BEND7: variants seen among roughly 807,000 people sequenced by gnomAD.
The protein encoded by BEND7 is BEN domain-containing protein 7.
A neutral mutation model predicts 50.9 loss-of-function variants in BEND7; 28 were observed. That is an observed-to-expected ratio of 0.55 (90% CI 0.41 to 0.75). BEND7 has a LOEUF of 0.75. Ranked by LOEUF, BEND7 falls within the 30% of genes least tolerant of loss-of-function variation. The pLI, the probability that BEND7 is intolerant of heterozygous loss-of-function variation, is 0.00. For missense variants in BEND7, 477 were observed against 491.3 expected, an observed-to-expected ratio of 0.97 and a Z score of 0.28; for synonymous variants, 170 against 183.9, an observed-to-expected ratio of 0.92 and a Z score of 0.61.
chr10:13,479,864 C>T (rs1024921090), intron 6 of BEND7, among the ~76,000 whole-genome samples: 1 of 152,072 alleles, frequency 6.6e-6, no homozygotes, highest in East Asian at 1.9e-4. Flanking sequence ...ATTTAAATAC[C>T]GTATTATTTT....
chr10:13,447,903 T>C (rs1333478214), intron 7 of BEND7, among the ~76,000 whole-genome samples: 1 of 152,184 alleles, frequency 6.6e-6, no homozygotes, highest in Non-Finnish European at 1.5e-5. Context: ...ATTGTTTAAA[T>C]AGGGTCATCG....
Position 13,522,228 on chromosome 10 carries a change from GAA to G in BEND7, c.145+3908_145+3909del, listed in dbSNP as rs1337471160. The stretch of plus-strand genomic sequence containing the variant: ...AAATCTAACCCAAAATCCAATGTGT[GAA>G]AAGAGACTTCATTTTATATTTGCAT... On this transcript the variant is annotated intron_variant, in intron 2 of 8. Transcript: ENST00000466271. 1.4e-4 allele frequency among the ~76,000 whole-genome samples: 21 copies of G among 152,348 alleles called. No homozygotes were observed. The South Asian group carries it at 3.9e-3, about 29-fold the overall frequency.
At position 13,492,652 on chromosome 10, in the gene BEND7, C is replaced by G. The variant is rs143653099; in HGVS notation, c.796G>C (p.Val266Leu). The change falls in exon 5 of 9, where the codon GTT (valine) becomes CTT (leucine). Residue 266 changes from valine (V) to leucine (L), a missense_variant. Physicochemically the swap from Val to Leu is conservative, Grantham distance 32. This residue lies in a region of BEND7 where 396 missense variants were observed against 384.2 expected (regional missense o/e 1.03). Coordinates refer to ENST00000466271, the MANE Select transcript of BEND7 (RefSeq NM_001369863.1). Reference sequence around the variant, plus strand: ...TCCAGAACAATGCCGAATCCTAGAACGCGGCTCTCCTCCGGGGAGGTGTGC... The same window carrying G: ...TCCAGAACAATGCCGAATCCTAGAAGGCGGCTCTCCTCCGGGGAGGTGTGC... The part of the protein sequence containing the change: ...AEHTSPEESR[V>L]LGFGIVLESP... 5 of 1,614,018 alleles carry G rather than the reference C, an allele frequency of 3.1e-6. No homozygotes were observed. The South Asian group carries it at 4.4e-5, about 14-fold the overall frequency.
intron 6 of BEND7, among the ~76,000 whole-genome samples, chr10:13,476,813 A>G (rs1042759275): frequency 6.6e-6 from 1 of 152,132 alleles, no homozygotes; most frequent in African/African-American, 2.4e-5. Context: ...AAAGCCTAAG[A>G]CTCTACTTGG....
At chr10:13,488,176 A>G (rs943144384) in intron 5 of BEND7, among the ~76,000 whole-genome samples, 12 of 152,036 alleles carry the variant, frequency 7.9e-5, no homozygotes, top group African/African-American at 2.9e-4. Context: ...AAACTTTTAA[A>G]CTGGCATAAT....
intron 2 of BEND7, among the ~76,000 whole-genome samples, chr10:13,512,247 C>T (rs985804431): frequency 1.8e-4 from 28 of 152,154 alleles, no homozygotes; most frequent in African/African-American, 6.0e-4. Context: ...CCAGCCTGGA[C>T]AACATAGCGA....
At chr10:13,504,760 A>G (rs1231042529) in intron 2 of BEND7, among the ~76,000 whole-genome samples, 6 of 152,374 alleles carry the variant, frequency 3.9e-5, no homozygotes, top group Middle Eastern at 3.4e-3. Context: ...AAATGGATCC[A>G]TGCCACGTGA....
At chr10:13,478,167 A>G (rs536027972) in intron 6 of BEND7, among the ~76,000 whole-genome samples, 12 of 152,306 alleles carry the variant, frequency 7.9e-5, no homozygotes, top group Non-Finnish European at 1.6e-4. Context: ...ACAGCCCGTG[A>G]CAAAATCTCT....
chr10:13,529,132 C>A (rs2079581107), upstream of BEND7, among the ~76,000 whole-genome samples: 2 of 144,456 alleles, frequency 1.4e-5, no homozygotes, highest in South Asian at 4.2e-4. Context: ...GCCGCCATCC[C>A]CGGGGGCCGC....
At chr10:13,517,576 G>A (rs1040678222) in intron 2 of BEND7, among the ~76,000 whole-genome samples, 4 of 152,102 alleles carry the variant, frequency 2.6e-5, no homozygotes, top group Non-Finnish European at 4.4e-5. Flanking sequence ...AACAGAGGGA[G>A]ACGCTGTCTC....
At chr10:13,466,140 T>A (rs184533598) in intron 6 of BEND7, among the ~76,000 whole-genome samples, 1 of 152,172 alleles carries the variant, frequency 6.6e-6, no homozygotes, top group East Asian at 1.9e-4. Flanking sequence ...ACACAGTTGG[T>A]ATATTTCAAT....
intron 2 of BEND7, among the ~76,000 whole-genome samples, chr10:13,516,165 C>G (rs1301308757): frequency 6.6e-6 from 1 of 152,230 alleles, no homozygotes; most frequent in African/African-American, 2.4e-5. Flanking sequence ...ATTGGACACT[C>G]AGAGTCTTGC....
At position 13,441,401 on chromosome 10, in the gene BEND7, G is replaced by A; in HGVS notation, c.*342C>T. 8.9e-7 allele frequency: 1 copy of A among 1,126,362 alleles called. No homozygotes were observed. The highest frequency in any genetic ancestry group is 1.1e-6 in the Non-Finnish European group (1 of 921,824). 69.8% of individuals were successfully genotyped at this position (1,126,362 alleles called of 1,614,324 possible). ...TTAATTTACAAAATATGATTTTGCT[G>A]TTGCAGTTTTGATACGTATTTCCAG... On this transcript the variant is annotated 3_prime_UTR_variant, in exon 9 of 9. Transcript: ENST00000466271.
At chr10:13,459,893 A>C (rs1839860840) in intron 6 of BEND7, 2 of 152,274 alleles carry the variant, frequency 1.3e-5, no homozygotes, top group Admixed American at 1.3e-4. Context: ...CAGGATGTTC[A>C]CAGGAAACTG....
downstream of BEND7, chr10:13,439,565 C>T: frequency 6.8e-7 from 1 of 1,461,092 alleles, no homozygotes; most frequent in Non-Finnish European, 9.2e-7. Context: ...TCCAAATCGT[C>T]ACACCCTGTG....
chr10:13,508,993 G>A (rs1461539971), intron 2 of BEND7, among the ~76,000 whole-genome samples: 2 of 152,194 alleles, frequency 1.3e-5, no homozygotes, highest in East Asian at 1.9e-4. Flanking sequence ...GGATCCTAGT[G>A]GGAAAACAGG....
At chr10:13,483,574 T>G (rs2076015327) in intron 5 of BEND7, among the ~76,000 whole-genome samples, 1 of 152,262 alleles carries the variant, frequency 6.6e-6, no homozygotes, top group Non-Finnish European at 1.5e-5. Context: ...TTTGCCACGC[T>G]GTGCTCAGCA....
intron 2 of BEND7, among the ~76,000 whole-genome samples, chr10:13,512,264 G>A (rs552653819): frequency 1.3e-5 from 2 of 152,258 alleles, no homozygotes; most frequent in Admixed American, 6.5e-5. Flanking sequence ...GCGAGATCCT[G>A]TCTCTTAGAA....
chr10:13,502,568 G>A (rs1202973823), intron 2 of BEND7, among the ~76,000 whole-genome samples: 1 of 152,202 alleles, frequency 6.6e-6, no homozygotes, highest in African/African-American at 2.4e-5. Flanking sequence ...AACAGGGTGT[G>A]TCTGGAAGAG....
Sources: allele counts gnomAD v4.1 joint callset (sites outside exome capture counted in the v4.1 genomes callset), GRCh38; gene constraint gnomAD v4.1.1; regional missense constraint gnomAD v4.1.1; transcripts MANE v1.5; gene names NCBI Gene and HGNC (gene_info 2026-07-23, HGNC 2026-07-21).